The following ABCD3 variants were observed in gnomAD, a reference collection of about 807,000 sequenced individuals.
The protein encoded by ABCD3 is ATP-binding cassette sub-family D member 3.
ABCD3 carries 41 observed loss-of-function variants against 105.5 expected under a neutral mutation model. The observed-to-expected ratio is 0.39, with a 90% CI of 0.30 to 0.50. The LOEUF (loss-of-function observed/expected upper bound fraction) is 0.50. ABCD3 is among the 20% of genes least tolerant of loss of function. The probability of loss-of-function intolerance (pLI) is 0.84; values close to 1 mark genes in which losing one functional copy is unlikely to be tolerated. For missense variants in ABCD3, 622 were observed against 806.3 expected, an observed-to-expected ratio of 0.77 and a Z score of 2.77; for synonymous variants, 258 against 269.0, an observed-to-expected ratio of 0.96 and a Z score of 0.40.
At chr1:94,492,381 C>T (rs958510692) in intron 16 of ABCD3, among the ~76,000 whole-genome samples, 4 of 152,108 alleles carry the variant, frequency 2.6e-5, no homozygotes, top group Non-Finnish European at 5.9e-5. Flanking sequence ...TTATATTAAG[C>T]ACATGTCTAC....
the ABCD3 span, among the ~76,000 whole-genome samples, chr1:94,398,902 C>CAA: frequency 1.3e-5 from 2 of 151,840 alleles, no homozygotes; most frequent in Non-Finnish European, 2.9e-5. Context: ...GACAGACTGA[C>CAA]AGAGTGAGAC....
At chr1:94,453,234 G>A (rs967241276) in intron 1 of ABCD3, among the ~76,000 whole-genome samples, 5 of 152,164 alleles carry the variant, frequency 3.3e-5, no homozygotes, top group African/African-American at 7.2e-5. Flanking sequence ...TAGAAGGGTA[G>A]GAGGTGGGCA....
At position 94,498,634 on chromosome 1, in the gene ABCD3, T is replaced by A. The variant is rs1403224006; in HGVS notation, c.1419T>A (p.Gly473=). 1 of 1,613,794 alleles carries A rather than the reference T, an allele frequency of 6.2e-7. No individual in the cohort carries two copies. ...CTGGGGCTAATGTTCTAATTTGTGG[T>A]CCAAATGGCTGCGGAAAGAGTTCAC... The part of the protein sequence containing the change: ...VRSGANVLIC[G]PNGCGKSSLF... The change falls in exon 17 of 23, where the codon GGT becomes GGA. Residue 473 remains glycine (G), a synonymous_variant. Coordinates refer to ENST00000370214, the MANE Select transcript of ABCD3 (RefSeq NM_002858.4).
chr1:94,447,175 A>G (rs1447224046), intron 1 of ABCD3, among the ~76,000 whole-genome samples: 1 of 152,244 alleles, frequency 6.6e-6, no homozygotes, highest in East Asian at 1.9e-4. Context: ...GCCACTAAGT[A>G]AAGAGAAACT....
chr1:94,465,875 C>T (rs1417982791), intron 3 of ABCD3, among the ~76,000 whole-genome samples: 2 of 152,144 alleles, frequency 1.3e-5, no homozygotes. Context: ...AGTATCATTA[C>T]CTTCAGCTCT....
the ABCD3 span, among the ~76,000 whole-genome samples, chr1:94,404,638 C>G: frequency 1.3e-5 from 2 of 151,954 alleles, no homozygotes; most frequent in Admixed American, 1.3e-4. Context: ...TACATCCCTT[C>G]CATTCTATTT....
chr1:94,510,629 C>T (rs1404307725), intron 21 of ABCD3, among the ~76,000 whole-genome samples: 1 of 152,060 alleles, frequency 6.6e-6, no homozygotes, highest in Non-Finnish European at 1.5e-5. Flanking sequence ...GAGTCTAAGT[C>T]TCTTTGTAGG....
the ABCD3 span, among the ~76,000 whole-genome samples, chr1:94,399,502 A>G: frequency 6.6e-6 from 1 of 152,218 alleles, no homozygotes; most frequent in Non-Finnish European, 1.5e-5. Flanking sequence ...AGAGGTAACC[A>G]GTATTGACCC....
At chr1:94,428,622 A>G (rs933335586) in intron 1 of ABCD3, among the ~76,000 whole-genome samples, 30 of 152,070 alleles carry the variant, frequency 2.0e-4, no homozygotes, top group African/African-American at 7.0e-4. Flanking sequence ...GTGATAGTGA[A>G]CGGTTTTTTA....
chr1:94,472,146 G>GT (rs1648486942), intron 4 of ABCD3: 1 of 833,936 alleles, frequency 1.2e-6, no homozygotes, highest in African/African-American at 1.8e-5. Flanking sequence ...TTGTAAAATT[G>GT]TTTTTTGTTA....
At chr1:94,488,496 A>C (rs181539032) in intron 13 of ABCD3, among the ~76,000 whole-genome samples, 108 of 152,126 alleles carry the variant, frequency 7.1e-4, no homozygotes, top group Non-Finnish European at 4.4e-5. Flanking sequence ...GAATGAAATT[A>C]AATATTAAGA....
At chr1:94,426,017 G>A (rs760053407) in intron 1 of ABCD3, among the ~76,000 whole-genome samples, 1 of 152,130 alleles carries the variant, frequency 6.6e-6, no homozygotes, top group African/African-American at 2.4e-5. Context: ...TGGAGAAAAC[G>A]TTTTAACCCA....
intron 2 of ABCD3, among the ~76,000 whole-genome samples, chr1:94,462,325 G>T (rs1647917174): frequency 6.6e-6 from 1 of 152,140 alleles, no homozygotes; most frequent in Non-Finnish European, 1.5e-5. Context: ...TCTTAGGAAA[G>T]GCTAGTAATA....
rs1319223292 is a variant in ABCD3, at chr1:94,474,135, G to A, written c.405+300G>A. On this transcript the variant is annotated intron_variant, in intron 5 of 22. Coordinates refer to ENST00000370214, the MANE Select transcript of ABCD3 (RefSeq NM_002858.4). The stretch of plus-strand genomic sequence containing the variant: ...CAGTCCAGGTTTTCTTCAGTGTTTA[G>A]CATCATCAATGACCATTAGATAGCA... Among the ~76,000 whole-genome samples, 3 of 147,862 alleles carry A rather than the reference G, an allele frequency of 2.0e-5. No homozygotes were observed. The Admixed American group carries it at 2.1e-4, about 10-fold the overall frequency.
chr1:94,388,282 C>T, the ABCD3 span, among the ~76,000 whole-genome samples: 115 of 152,230 alleles, frequency 7.6e-4, 1 homozygote, highest in South Asian at 1.5e-3. Flanking sequence ...TGAACAGAAA[C>T]TTATTGCCAC....
chr1:94,502,977 C>T (rs921316020), intron 20 of ABCD3, among the ~76,000 whole-genome samples: 1 of 152,308 alleles, frequency 6.6e-6, no homozygotes, highest in African/African-American at 2.4e-5. Flanking sequence ...CGGACACATG[C>T]AGCCCAGGAC....
At chr1:94,501,952 C>T (rs2101046809) in intron 20 of ABCD3, among the ~76,000 whole-genome samples, 1 of 152,028 alleles carries the variant, frequency 6.6e-6, no homozygotes, top group East Asian at 1.9e-4. Context: ...TTAATCCTTC[C>T]CTTTCCTTAC....
intron 20 of ABCD3, among the ~76,000 whole-genome samples, chr1:94,504,348 C>A (rs1158737082): frequency 6.6e-6 from 1 of 152,114 alleles, no homozygotes; most frequent in Non-Finnish European, 1.5e-5. Context: ...GAACTCCTAG[C>A]CTCAAGTGAT....
intron 1 of ABCD3, among the ~76,000 whole-genome samples, chr1:94,456,509 C>T (rs1312400527): frequency 3.3e-5 from 5 of 151,264 alleles, no homozygotes; most frequent in Admixed American, 6.6e-5. Context: ...AACTCCTGAG[C>T]TCAGTCAGTC....
Sources: gnomAD v4.1 joint callset for allele counts (sites outside exome capture counted in the v4.1 genomes callset) on GRCh38, gnomAD v4.1.1 for gene constraint, MANE v1.5 for transcripts, NCBI Gene and HGNC (gene_info 2026-07-23, HGNC 2026-07-21) for gene names.